MAPK8IP3: variants seen among roughly 807,000 people sequenced by gnomAD.
MAPK8IP3 encodes mitogen-activated protein kinase 8 interacting protein 3.
A neutral mutation model predicts 157.8 loss-of-function variants in MAPK8IP3; 49 were observed. The observed-to-expected ratio is 0.31, with a 90% CI of 0.25 to 0.39. The LOEUF (loss-of-function observed/expected upper bound fraction) is 0.39. Ranked by LOEUF, MAPK8IP3 falls within the 10% of genes least tolerant of loss-of-function variation. The pLI, the probability that MAPK8IP3 is intolerant of heterozygous loss-of-function variation, is 1.00. For missense variants in MAPK8IP3, 1,478 were observed against 1,889.4 expected (o/e 0.78, Z 4.04); for synonymous variants, 897 against 777.7 (o/e 1.15, Z -2.55).
chr16:1,754,760 A>G (rs547804271), intron 8 of MAPK8IP3, among the ~76,000 whole-genome samples: 1 of 86,516 alleles, frequency 1.2e-5, no homozygotes, highest in East Asian at 6.8e-4. Flanking sequence ...CTCCGTCTCA[A>G]AAAAAAAAAA....
intron 4 of MAPK8IP3, among the ~76,000 whole-genome samples, chr16:1,733,856 A>T (rs888810914): frequency 1.4e-4 from 21 of 152,334 alleles, no homozygotes; most frequent in African/African-American, 4.8e-4. Flanking sequence ...CTCTCTTGTC[A>T]GCGCTGCCAC....
At position 1,729,595 on chromosome 16, in the gene MAPK8IP3, G is replaced by A. The variant is rs1335328225; in HGVS notation, c.602+17G>A. On this transcript the variant is annotated intron_variant, in intron 4 of 31. Coordinates refer to ENST00000610761, the MANE Select transcript of MAPK8IP3 (RefSeq NM_001318852.2). Reference sequence around the variant, plus strand: ...GGGGCGGAGGTACGCGGGGCGCGGCGGGGTGGAGGTACGCGGGGCGCGGCG... The same window carrying A: ...GGGGCGGAGGTACGCGGGGCGCGGCAGGGTGGAGGTACGCGGGGCGCGGCG... 12 of 1,577,362 alleles carry A rather than the reference G, an allele frequency of 7.6e-6. No homozygotes were observed. Among genetic ancestry groups the A allele is most frequent in the Admixed American group, 3.6e-5 (2 of 55,204 alleles).
At chr16:1,709,220 A>G (rs777788031) in intron 1 of MAPK8IP3, among the ~76,000 whole-genome samples, 27 of 152,292 alleles carry the variant, frequency 1.8e-4, no homozygotes, top group Non-Finnish European at 3.2e-4. Flanking sequence ...GTGACTCCCA[A>G]TGTGCTCTGA....
intron 4 of MAPK8IP3, chr16:1,734,955 T>C (rs1320406231): frequency 6.5e-6 from 1 of 154,724 alleles, no homozygotes; most frequent in Admixed American, 6.5e-5. Flanking sequence ...AGAGTGTGTG[T>C]GTGTCTGTGT....
intron 2 of MAPK8IP3, among the ~76,000 whole-genome samples, chr16:1,726,589 T>C (rs1434953186): frequency 1.3e-5 from 2 of 152,072 alleles, no homozygotes; most frequent in African/African-American, 4.8e-5. Flanking sequence ...AGGTAGAGGA[T>C]TGCTCAAACC....
rs748389285 is a variant in MAPK8IP3, at chr16:1,766,563, C to T, written c.2854C>T (p.Arg952Trp). The stretch of plus-strand genomic sequence containing the variant: ...GCCAGAGCCTGACAGCAGCAGCACA[C>T]GGCCAGAGCCAGAGCCCAGCGGGGA... ...NGPEPDSSST[R>W]PEPEPSGDPT... Residue 952 changes from arginine (R) to tryptophan (W), a missense_variant, in exon 23 of 32, where the codon CGG becomes TGG. Physicochemically the swap from Arg to Trp is moderately radical, Grantham distance 101. Coordinates refer to ENST00000610761, the MANE Select transcript of MAPK8IP3 (RefSeq NM_001318852.2). The T allele has an allele frequency of 5.6e-6, 9 of 1,612,222 alleles. No homozygotes were observed. The highest frequency in any genetic ancestry group is 5.0e-5 in the Admixed American group (3 of 60,010).
chr16:1,748,134 C>G (rs147167138), intron 6 of MAPK8IP3, 110 bp from the exon 7 acceptor site: 2 of 762,234 alleles, frequency 2.6e-6, no homozygotes, highest in Non-Finnish European at 4.6e-6. Flanking sequence ...CCCCACCTAG[C>G]AGGTGGTCCA....
At chr16:1,715,530 G>C (rs960502251) in intron 1 of MAPK8IP3, among the ~76,000 whole-genome samples, 2 of 152,160 alleles carry the variant, frequency 1.3e-5, no homozygotes, top group Admixed American at 1.3e-4. Context: ...GCCTGCTTAA[G>C]ATAAAAGACC....
chr16:1,754,902 C>A (rs552380383), intron 8 of MAPK8IP3, among the ~76,000 whole-genome samples: 1 of 152,326 alleles, frequency 6.6e-6, no homozygotes, highest in South Asian at 2.1e-4. Flanking sequence ...CCTGAAGACA[C>A]ACCCTGTGAG....
intron 13 of MAPK8IP3, 134 bp from the exon 14 acceptor site, chr16:1,762,217 C>T (rs557289259): frequency 1.6e-6 from 2 of 1,241,702 alleles, no homozygotes; most frequent in Non-Finnish European, 2.2e-6. Flanking sequence ...GACACCCCTC[C>T]ACACCGCTTC....
chr16:1,729,450 C>G lies in MAPK8IP3; in HGVS notation c.511-37C>G, dbSNP rs78065788. ...GTTAGAGGGGACGGAGACAGCCCCC[C>G]ACGGCAGCGCTAATGCAGGCGTTTC... On this transcript the variant is annotated intron_variant, in intron 3 of 31. Transcript: ENST00000610761. 1.6e-3 allele frequency: 2,581 copies of G among 1,575,354 alleles called. 87 individuals carry two copies. In the East Asian group the frequency reaches 0.055, roughly 33 times the overall value.
intron 7 of MAPK8IP3, 105 bp from the exon 8 acceptor site, chr16:1,748,497 G>T: frequency 8.8e-7 from 1 of 1,134,636 alleles, no homozygotes; most frequent in Non-Finnish European, 1.3e-6. Flanking sequence ...GGGCAGTGTG[G>T]GCATTGAATG....
At chr16:1,718,080 C>G (rs2038273935) in intron 1 of MAPK8IP3, among the ~76,000 whole-genome samples, 1 of 152,038 alleles carries the variant, frequency 6.6e-6, no homozygotes, top group African/African-American at 2.4e-5. Context: ...GTCTCGATCT[C>G]CTGACCTCAA....
At position 1,768,918 on chromosome 16, in the gene MAPK8IP3, C is replaced by G; in HGVS notation, c.*94C>G. Reference sequence around the variant, plus strand: ...GGGTAGCCAGCCAGGCGCCGCCGCCCCTCTTCTAACCTCTCAACCTGCAGC... The same window carrying G: ...GGGTAGCCAGCCAGGCGCCGCCGCCGCTCTTCTAACCTCTCAACCTGCAGC... On this transcript the variant is annotated 3_prime_UTR_variant, in exon 32 of 32. Transcript: ENST00000610761. The G allele has an allele frequency of 7.2e-7, 1 of 1,394,970 alleles. No individual in the cohort carries two copies. Among genetic ancestry groups the G allele is most frequent in the Non-Finnish European group, 9.8e-7 (1 of 1,020,248 alleles). 86.4% of individuals were successfully genotyped at this position (1,394,970 alleles called of 1,614,324 possible). A position where few individuals can be genotyped will look rare whatever the true frequency, so the allele number is the denominator to read the frequency against.
intron 4 of MAPK8IP3, among the ~76,000 whole-genome samples, chr16:1,736,614 C>CCGTCCGTGTGAG (rs1315598479): frequency 2.2e-5 from 1 of 46,068 alleles, no homozygotes; most frequent in Non-Finnish European, 4.0e-5. Context: ...ATCCGTGTGA[C>CCGTCCGTGTGAG]CGTCCGTGTG....
chr16:1,756,919 G>C (rs1380406702), intron 8 of MAPK8IP3, among the ~76,000 whole-genome samples: 1 of 152,120 alleles, frequency 6.6e-6, no homozygotes, highest in Non-Finnish European at 1.5e-5. Context: ...TGGATAATGG[G>C]GTCCCGTTTT....
intron 9 of MAPK8IP3, 111 bp downstream of exon 9, chr16:1,758,270 G>A (rs566874752): frequency 3.9e-5 from 50 of 1,281,298 alleles, no homozygotes; most frequent in Middle Eastern, 2.4e-4. Flanking sequence ...TGCCCCCCAC[G>A]TCGCCGCAGC....
At chr16:1,708,031 G>A (rs577948136) in intron 1 of MAPK8IP3, 1 of 152,164 alleles carries the variant, frequency 6.6e-6, no homozygotes, top group Admixed American at 6.5e-5. Flanking sequence ...CGTGTCTGTC[G>A]CGAGGTGGTT....
chr16:1,736,848 CCG>C (rs2039936997), intron 4 of MAPK8IP3, among the ~76,000 whole-genome samples: 1 of 49,190 alleles, frequency 2.0e-5, no homozygotes, highest in African/African-American at 9.3e-5. Flanking sequence ...GTGTGACCGT[CCG>C]TGTGTGACCG....
Sources: allele counts gnomAD v4.1 joint callset (sites outside exome capture counted in the v4.1 genomes callset), GRCh38; gene constraint gnomAD v4.1.1; transcripts MANE v1.5; gene names NCBI Gene and HGNC (gene_info 2026-07-23, HGNC 2026-07-21).